Variants in GALNT13 observed in about 807,000 individuals in gnomAD.
GALNT13 encodes the protein polypeptide N-acetylgalactosaminyltransferase 13, also known as UDP-GalNAc:polypeptide N-acetylgalactosaminyltransferase 13.
In GALNT13, 28 loss-of-function variants were observed where a neutral mutation model predicts 64.2. The ratio of observed to expected loss-of-function variants is 0.44; its 90% CI spans 0.32 to 0.60. The LOEUF is 0.60. GALNT13 is among the 20% of genes least tolerant of loss of function. GALNT13 has a pLI of 0.05. For synonymous variants in GALNT13, 214 were observed against 224.6 expected, an observed-to-expected ratio of 0.95 and a Z score of 0.42; for missense variants, 577 against 669.8, an observed-to-expected ratio of 0.86 and a Z score of 1.53.
chr2:153,855,807 AT>A, the GALNT13 span, among the ~76,000 whole-genome samples: 1 of 152,326 alleles, frequency 6.6e-6, no homozygotes, highest in South Asian at 2.1e-4. Context: ...AGCATTTTTC[AT>A]AATAACAAAA....
chr2:154,351,795 G>C (rs1045393652), intron 9 of GALNT13, among the ~76,000 whole-genome samples: 10 of 140,596 alleles, frequency 7.1e-5, no homozygotes, highest in Non-Finnish European at 1.5e-4. Flanking sequence ...ATCGATCTAT[G>C]TATCTATCAC....
At chr2:153,793,907 C>T in the GALNT13 span, among the ~76,000 whole-genome samples, 27,577 of 152,066 alleles carry the variant, frequency 0.18, 3,616 homozygotes, top group African/African-American at 0.37. Flanking sequence ...CACAATGATG[C>T]AATCTCCCAC....
chr2:154,358,525 T>A (rs1227489363), intron 9 of GALNT13, among the ~76,000 whole-genome samples: 2 of 152,090 alleles, frequency 1.3e-5, no homozygotes, highest in Non-Finnish European at 2.9e-5. Flanking sequence ...AATCACTAAA[T>A]TTGAAGTTTC....
At chr2:154,159,762 C>A (rs575485118) in intron 4 of GALNT13, among the ~76,000 whole-genome samples, 1 of 152,152 alleles carries the variant, frequency 6.6e-6, no homozygotes, top group South Asian at 2.1e-4. Context: ...TTGGGGATTA[C>A]TACAGTGTGC....
At chr2:153,868,601 A>T (rs138854809), upstream of GALNT13, among the ~76,000 whole-genome samples, 15 of 152,334 alleles carry the variant, frequency 9.8e-5, no homozygotes, top group East Asian at 1.5e-3. Context: ...TCAGCAAGAC[A>T]TAACTATCTC....
the GALNT13 span, among the ~76,000 whole-genome samples, chr2:153,615,263 C>T: frequency 1.1e-4 from 17 of 151,918 alleles, no homozygotes; most frequent in African/African-American, 2.2e-4. Flanking sequence ...TTTCTTAATC[C>T]GTAAGTGTCT....
the GALNT13 span, among the ~76,000 whole-genome samples, chr2:153,462,531 C>A: frequency 6.6e-6 from 1 of 152,232 alleles, no homozygotes; most frequent in South Asian, 2.1e-4. Context: ...TTTCATCTCT[C>A]TTGAAGATTG....
the GALNT13 span, among the ~76,000 whole-genome samples, chr2:153,854,535 C>T: frequency 2.6e-4 from 40 of 151,962 alleles, no homozygotes; most frequent in East Asian, 4.5e-3. Flanking sequence ...GAGCTGAGAT[C>T]GCACCATTGC....
the GALNT13 span, among the ~76,000 whole-genome samples, chr2:153,851,539 A>G: frequency 7.0e-6 from 1 of 142,964 alleles, no homozygotes; most frequent in East Asian, 1.9e-4. Context: ...TTGTGTTTCC[A>G]AGAAAAAAAA....
chr2:153,436,359 G>A, the GALNT13 span, among the ~76,000 whole-genome samples: 1 of 152,154 alleles, frequency 6.6e-6, no homozygotes, highest in Non-Finnish European at 1.5e-5. Flanking sequence ...AGTTAGGGAG[G>A]ATTCCCTCTT....
At chr2:153,982,172 T>A (rs1399148265) in intron 3 of GALNT13, among the ~76,000 whole-genome samples, 1 of 152,116 alleles carries the variant, frequency 6.6e-6, no homozygotes, top group Non-Finnish European at 1.5e-5. Flanking sequence ...GTACCAACAT[T>A]TATCATTTTA....
chr2:153,982,498 G>A (rs1010879931), intron 3 of GALNT13, among the ~76,000 whole-genome samples: 2 of 152,058 alleles, frequency 1.3e-5, no homozygotes, highest in African/African-American at 4.8e-5. Context: ...CTATCACCAA[G>A]TTTGTATGTT....
chr2:153,857,532 A>G, the GALNT13 span, among the ~76,000 whole-genome samples: 1 of 152,308 alleles, frequency 6.6e-6, no homozygotes, highest in South Asian at 2.1e-4. Context: ...TTCGTAAAAA[A>G]TCATTGATTT....
the GALNT13 span, among the ~76,000 whole-genome samples, chr2:153,596,842 G>C: frequency 6.6e-6 from 1 of 151,882 alleles, no homozygotes; most frequent in Non-Finnish European, 1.5e-5. Flanking sequence ...TTCTATTTCA[G>C]AATTTTAGGA....
the GALNT13 span, among the ~76,000 whole-genome samples, chr2:153,246,209 A>G: frequency 1.3e-5 from 2 of 152,208 alleles, no homozygotes; most frequent in African/African-American, 4.8e-5. Context: ...AATGGAATCA[A>G]CTTGAAAAAC....
chr2:154,343,161 CT>C (rs1695869726), intron 9 of GALNT13, among the ~76,000 whole-genome samples: 1 of 151,954 alleles, frequency 6.6e-6, no homozygotes, highest in African/African-American at 2.4e-5. Flanking sequence ...GGGGCATCAG[CT>C]CTCGTTCCAG....
chr2:153,232,726 G>T, the GALNT13 span, among the ~76,000 whole-genome samples: 1 of 152,242 alleles, frequency 6.6e-6, no homozygotes, highest in South Asian at 2.1e-4. Context: ...ACCACTTAAC[G>T]CTCTTAATCT....
At chr2:153,669,612 A>G in the GALNT13 span, among the ~76,000 whole-genome samples, 1 of 152,314 alleles carries the variant, frequency 6.6e-6, no homozygotes, top group South Asian at 2.1e-4. Context: ...AGTGAGATTG[A>G]TGCAAAAGAC....
the GALNT13 span, among the ~76,000 whole-genome samples, chr2:153,850,547 A>G: frequency 6.6e-6 from 1 of 152,252 alleles, no homozygotes; most frequent in Non-Finnish European, 1.5e-5. Context: ...AGAAAGAATC[A>G]GAAAAATACA....
Sources: gnomAD v4.1 joint callset for allele counts (sites outside exome capture counted in the v4.1 genomes callset) on GRCh38, gnomAD v4.1.1 for gene constraint, MANE v1.5 for transcripts, NCBI Gene and HGNC (gene_info 2026-07-23, HGNC 2026-07-21) for gene names.